Variants in CDX1 observed in about 807,000 individuals in gnomAD.
The protein encoded by CDX1 is homeobox protein CDX-1.
A neutral mutation model predicts 16.9 loss-of-function variants in CDX1; 9 were observed. The observed-to-expected ratio is 0.53, with a 90% CI of 0.32 to 0.93. CDX1 has a LOEUF of 0.93. Ranked by LOEUF, CDX1 falls within the 40% of genes least tolerant of loss-of-function variation. CDX1 has a pLI of 0.04. For missense variants in CDX1, 393 were observed against 386.1 expected (o/e 1.02, Z -0.15); for synonymous variants, 179 against 179.0 (o/e 1.00, Z 0.00).
At chr5:150,173,702 G>A (rs1201736948) in intron 1 of CDX1, among the ~76,000 whole-genome samples, 1 of 152,232 alleles carries the variant, frequency 6.6e-6, no homozygotes, top group Non-Finnish European at 1.5e-5. Context: ...CATCTATTGG[G>A]TGCTCAGTGT....
In CDX1 at chr5:150,183,579, G is replaced by A. The variant is rs1580842899; in HGVS notation, c.697G>A (p.Ala233Thr). The A allele has an allele frequency of 1.2e-6, 2 of 1,610,976 alleles. No individual in the cohort carries two copies. The highest frequency in any genetic ancestry group is 1.7e-6 in the Non-Finnish European group (2 of 1,177,822). Residue 233 changes from alanine to threonine, a missense_variant, in exon 3 of 3, where the codon GCC becomes ACC. Physicochemically the swap from Ala to Thr is moderately conservative, Grantham distance 58 (BLOSUM62 0). Transcript: ENST00000231656. ...GCCGCCGATGGCCCACGACATCACG[G>A]CCACCCCAGCCGGGCCATCCCTGGG... is the stretch of plus-strand genomic sequence containing the variant. ...PQPPMAHDITATPAGPSLGGL... is the reference protein window; with the variant it reads ...PQPPMAHDITTTPAGPSLGGL...
At chr5:150,179,701 GTCC>G (rs1761615807) in intron 1 of CDX1, among the ~76,000 whole-genome samples, 1 of 152,226 alleles carries the variant, frequency 6.6e-6, no homozygotes, top group South Asian at 2.1e-4. Flanking sequence ...CCTCAGGCCT[GTCC>G]TCCTGGGGGT....
intron 1 of CDX1, among the ~76,000 whole-genome samples, chr5:150,180,305 G>A (rs760722398): frequency 1.3e-5 from 2 of 152,218 alleles, no homozygotes; most frequent in Non-Finnish European, 2.9e-5. Context: ...GGCCAAACCT[G>A]GCTGAAGTCC....
At chr5:150,177,964 G>A (rs768406001) in intron 1 of CDX1, among the ~76,000 whole-genome samples, 31 of 152,242 alleles carry the variant, frequency 2.0e-4, no homozygotes, top group Middle Eastern at 3.4e-3. Context: ...GGTCTTCACC[G>A]GCAGCCTTGC....
intron 1 of CDX1, among the ~76,000 whole-genome samples, chr5:150,181,140 C>T (rs1340116417): frequency 1.3e-5 from 2 of 152,226 alleles, no homozygotes; most frequent in Non-Finnish European, 2.9e-5. Context: ...ACCTCAGCTC[C>T]ACCAGCTTCC....
Position 150,167,289 on chromosome 5 carries a change from G to C in CDX1, c.413G>C (p.Arg138Pro). Residue 138 changes from arginine (R) to proline (P), a missense_variant, in exon 1 of 3, where the codon CGC becomes CCC. By Grantham distance (103) the Arg-to-Pro change is moderately radical. Coordinates refer to ENST00000231656, the MANE Select transcript of CDX1 (RefSeq NM_001804.3). ...QRPTPYEWMRRSVAAGGGGGS... is the reference protein window; with the variant it reads ...QRPTPYEWMRPSVAAGGGGGS... Reference sequence around the variant, plus strand: ...CCGACGCCCTACGAGTGGATGCGGCGCAGCGTGGCGGCCGGAGGCGGCGGT... The same window carrying C: ...CCGACGCCCTACGAGTGGATGCGGCCCAGCGTGGCGGCCGGAGGCGGCGGT... The C allele has an allele frequency of 7.9e-7, 1 of 1,263,008 alleles. No individual in the cohort carries two copies. The highest frequency in any genetic ancestry group is 9.9e-7 in the Non-Finnish European group (1 of 1,009,468). 78.2% of individuals were successfully genotyped at this position (1,263,008 alleles called of 1,614,324 possible).
chr5:150,167,327 G>A lies in CDX1; in HGVS notation c.445+6G>A. The A allele has an allele frequency of 1.6e-6, 2 of 1,253,382 alleles. No individual in the cohort carries two copies. Among genetic ancestry groups the A allele is most frequent in the Non-Finnish European group, 2.0e-6 (2 of 1,002,878 alleles). The allele number at this position is 1,253,382 out of a possible 1,614,324, so 77.6% of individuals were successfully genotyped here. On this transcript the variant is annotated splice_donor_region_variant and intron_variant, in intron 1 of 2. Transcript: ENST00000231656. Reference sequence around the variant, plus strand: ...CGGAGGCGGCGGTGGCAGCGGTAAGGACCCTTCCCTCGCCCTGCGCCTCTG... The same window carrying A: ...CGGAGGCGGCGGTGGCAGCGGTAAGAACCCTTCCCTCGCCCTGCGCCTCTG...
chr5:150,171,404 C>T (rs750637401), intron 1 of CDX1, among the ~76,000 whole-genome samples: 21 of 152,122 alleles, frequency 1.4e-4, no homozygotes, highest in Admixed American at 2.6e-4. Context: ...GGTGCGATCT[C>T]GGCTCACTGC....
At chr5:150,170,933 G>A (rs150546350) in intron 1 of CDX1, among the ~76,000 whole-genome samples, 127 of 152,068 alleles carry the variant, frequency 8.4e-4, no homozygotes, top group African/African-American at 2.9e-3. Context: ...GGATGGTTAC[G>A]CATCATCCTT....
At chr5:150,168,092 T>C (rs1456717421) in intron 1 of CDX1, among the ~76,000 whole-genome samples, 6 of 152,210 alleles carry the variant, frequency 3.9e-5, no homozygotes, top group Non-Finnish European at 8.8e-5. Context: ...CCCCCCTTTG[T>C]CATGCAACTG....
chr5:150,177,315 C>T (rs909884946), intron 1 of CDX1, among the ~76,000 whole-genome samples: 1 of 152,246 alleles, frequency 6.6e-6, no homozygotes, highest in African/African-American at 2.4e-5. Flanking sequence ...TATAAGTAAA[C>T]GGTCATTTCT....
In CDX1 at chr5:150,166,974, C is replaced by T. The variant is rs1237752154; in HGVS notation, c.98C>T (p.Pro33Leu). 4 of 1,456,046 alleles carry T rather than the reference C, an allele frequency of 2.7e-6. No individual in the cohort carries two copies. Among genetic ancestry groups the T allele is most frequent in the South Asian group, 2.7e-5 (2 of 74,074 alleles). 90.2% of individuals were successfully genotyped at this position (1,456,046 alleles called of 1,614,324 possible). ...LGLGPQAYGPPAPPPAPPQYP... is the reference protein window; with the variant it reads ...LGLGPQAYGPLAPPPAPPQYP... Reference sequence around the variant, plus strand: ...CTGGGCCCGCAAGCCTACGGCCCCCCGGCCCCGCCCCCGGCGCCCCCGCAG... The same window carrying T: ...CTGGGCCCGCAAGCCTACGGCCCCCTGGCCCCGCCCCCGGCGCCCCCGCAG... The change falls in exon 1 of 3, where the codon CCG becomes CTG. Residue 33 changes from proline to leucine, a missense_variant. By Grantham distance (98) the Pro-to-Leu change is moderately conservative. Coordinates refer to ENST00000231656, the MANE Select transcript of CDX1 (RefSeq NM_001804.3).
Position 150,182,895 on chromosome 5 carries a change from G to C in CDX1, c.573G>C (p.Leu191=). The C allele has an allele frequency of 6.2e-7, 1 of 1,610,406 alleles. No homozygotes were observed. Among genetic ancestry groups the C allele is most frequent in the Non-Finnish European group, 8.5e-7 (1 of 1,178,334 alleles). The change falls in exon 2 of 3, where the codon CTG becomes CTC. Residue 191 remains leucine (L), a synonymous_variant. Transcript: ENST00000231656. ...IRRKSELAAN[L]GLTERQVKIW... is the part of the protein sequence containing the mutation. The stretch of plus-strand genomic sequence containing the variant: ...GGAAATCAGAGCTGGCTGCCAATCT[G>C]GGGCTCACTGAACGGCAGGTGTGTC...
intron 1 of CDX1, among the ~76,000 whole-genome samples, chr5:150,180,169 T>C (rs560817274): frequency 1.0e-3 from 156 of 152,366 alleles, no homozygotes; most frequent in African/African-American, 3.5e-3. Context: ...TTCAGAGCCA[T>C]GTTGGCCTCC....
chr5:150,167,199 G>C lies in CDX1; in HGVS notation c.323G>C (p.Gly108Ala). ...FSPVPAPPGP[G>A]PGLLAQPLGG... ...CCGGTGCCGGCGCCCCCTGGGCCCG[G>C]CCCGGGCCTCCTGGCGCAGCCCCTC... Residue 108 changes from glycine (G) to alanine (A), a missense_variant, in exon 1 of 3, where the codon GGC becomes GCC. By Grantham distance (60) the Gly-to-Ala change is moderately conservative (BLOSUM62 0). Coordinates refer to ENST00000231656, the MANE Select transcript of CDX1 (RefSeq NM_001804.3). The C allele has an allele frequency of 7.9e-7, 1 of 1,266,156 alleles. No individual in the cohort carries two copies. Among genetic ancestry groups the C allele is most frequent in the Non-Finnish European group, 9.9e-7 (1 of 1,010,812 alleles). 78.4% of individuals were successfully genotyped at this position (1,266,156 alleles called of 1,614,324 possible).
intron 1 of CDX1, among the ~76,000 whole-genome samples, chr5:150,176,642 A>C (rs1048993414): frequency 6.6e-6 from 1 of 152,208 alleles, no homozygotes; most frequent in Non-Finnish European, 1.5e-5. Flanking sequence ...TCAAAACTGC[A>C]GAGTCTCGAG....
intron 1 of CDX1, among the ~76,000 whole-genome samples, chr5:150,168,270 C>G (rs1305472611): frequency 6.6e-6 from 1 of 152,228 alleles, no homozygotes; most frequent in Non-Finnish European, 1.5e-5. Flanking sequence ...ACCCCAGCTG[C>G]GAATAATCCT....
chr5:150,171,571 C>T (rs1003637125), intron 1 of CDX1, among the ~76,000 whole-genome samples: 45 of 152,208 alleles, frequency 3.0e-4, no homozygotes, highest in Non-Finnish European at 7.3e-5. Context: ...CTCCTGACCT[C>T]GTGATCCGCC....
chr5:150,179,620 A>G (rs1424409989), intron 1 of CDX1, among the ~76,000 whole-genome samples: 2 of 152,182 alleles, frequency 1.3e-5, no homozygotes, highest in African/African-American at 4.8e-5. Flanking sequence ...CTCTAAGGAA[A>G]AAGCACCTTC....
Sources: allele counts gnomAD v4.1 joint callset (sites outside exome capture counted in the v4.1 genomes callset), GRCh38; gene constraint gnomAD v4.1.1; transcripts MANE v1.5; gene names NCBI Gene and HGNC (gene_info 2026-07-23, HGNC 2026-07-21).